Variants in TRIM14 observed in about 807,000 individuals in gnomAD.
The protein encoded by TRIM14 is tripartite motif-containing protein 14.
In TRIM14, 28 loss-of-function variants were observed where a neutral mutation model predicts 44.5. The observed-to-expected ratio is 0.63, with a 90% CI of 0.47 to 0.86. TRIM14 has a LOEUF of 0.86. TRIM14 is among the 40% of genes least tolerant of loss of function. The pLI is 0.00. For missense variants in TRIM14, 607 were observed against 611.1 expected (o/e 0.99, Z 0.07); for synonymous variants, 299 against 269.2 (o/e 1.11, Z -1.08).
rs941452325 is a variant in TRIM14, at chr9:98,087,337, G to A, written c.*133C>T. On this transcript the variant is annotated 3_prime_UTR_variant, in exon 6 of 6. Coordinates refer to ENST00000341469, the MANE Select transcript of TRIM14 (RefSeq NM_014788.4). ...CTTCAAAGCACTGTAGGCGTGATTG[G>A]TCGGGGAAAGCTGGGGCAGGGAGAG... 11 of 1,369,862 alleles carry A rather than the reference G, an allele frequency of 8.0e-6. No individual in the cohort carries two copies. Among genetic ancestry groups the A allele is most frequent in the Non-Finnish European group, 1.1e-5 (11 of 958,018 alleles). 84.9% of individuals were successfully genotyped at this position (1,369,862 alleles called of 1,614,324 possible). A position where few individuals can be genotyped will look rare whatever the true frequency, so the allele number is the denominator to read the frequency against.
At chr9:98,048,563 C>T in the TRIM14 span, among the ~76,000 whole-genome samples, 1 of 152,066 alleles carries the variant, frequency 6.6e-6, no homozygotes, top group Non-Finnish European at 1.5e-5. Context: ...AACTGTAATG[C>T]CTTTTAGTTC....
At chr9:98,044,870 T>C in the TRIM14 span, among the ~76,000 whole-genome samples, 9 of 152,064 alleles carry the variant, frequency 5.9e-5, no homozygotes, top group African/African-American at 2.2e-4. Flanking sequence ...CACAGCACTT[T>C]GGGAGGCCAA....
chr9:98,061,508 G>A, the TRIM14 span, among the ~76,000 whole-genome samples: 43 of 146,322 alleles, frequency 2.9e-4, no homozygotes, highest in African/African-American at 9.4e-4. Flanking sequence ...AAGGCCAGGC[G>A]CGGTGTCTCA....
In TRIM14 at chr9:98,108,176, G is replaced by A. The variant is rs184469787; in HGVS notation, c.303+1713C>T. Among the ~76,000 whole-genome samples the A allele has an allele frequency of 2.2e-5, 3 of 139,258 alleles. No individual in the cohort carries two copies. In the Admixed American group the frequency reaches 2.3e-4, roughly 11 times the overall value. The allele number at this position is 139,258 out of a possible 152,430, so 91.4% of individuals were successfully genotyped here. A position where few individuals can be genotyped will look rare whatever the true frequency, so the allele number is the denominator to read the frequency against. ...AGGTACACAAAACTCTACTATTTTT[G>A]CAACTTCCTCTAAATCTATAAAAAG... On this transcript the variant is annotated intron_variant, in intron 2 of 5. Transcript: ENST00000341469.
At chr9:98,052,055 T>C in the TRIM14 span, among the ~76,000 whole-genome samples, 1 of 152,094 alleles carries the variant, frequency 6.6e-6, no homozygotes, top group African/African-American at 2.4e-5. Flanking sequence ...GGCTAAAAGC[T>C]CTCTCACAAT....
intron 5 of TRIM14, among the ~76,000 whole-genome samples, chr9:98,091,405 CATG>C (rs1371547595): frequency 6.6e-6 from 1 of 152,034 alleles, no homozygotes; most frequent in Admixed American, 6.6e-5. Flanking sequence ...TGCAGTGAGC[CATG>C]ACTGCACCAC....
chr9:98,077,664 C>T (rs575689992), intron 6 of TRIM14, among the ~76,000 whole-genome samples: 109 of 152,258 alleles, frequency 7.2e-4, no homozygotes, highest in Non-Finnish European at 1.3e-3. Flanking sequence ...GGGACATGAT[C>T]GTGTAAAGTG....
Position 98,087,975 on chromosome 9 carries a change from G to A in TRIM14, c.824C>T (p.Thr275Met), listed in dbSNP as rs780414118. The change falls in exon 6 of 6, where the codon ACG (threonine) becomes ATG (methionine). Residue 275 changes from threonine (T) to methionine (M), a missense_variant. Physicochemically the swap from Thr to Met is moderately conservative, Grantham distance 81. This residue lies in a region of TRIM14 where 356 missense variants were observed against 323.0 expected (regional missense o/e 1.10). Coordinates refer to ENST00000341469, the MANE Select transcript of TRIM14 (RefSeq NM_014788.4). ...YARTPTLDPDTMHARLRLSAD... is the reference protein window; with the variant it reads ...YARTPTLDPDMMHARLRLSAD... ...GGACAGGCGCAGGCGCGCGTGCATC[G>A]TGTCAGGATCCAGCGTGGGCGTGCG... 6 of 1,558,696 alleles carry A rather than the reference G, an allele frequency of 3.8e-6. No individual in the cohort carries two copies. The East Asian group carries it at 9.9e-5, about 26-fold the overall frequency.
chr9:98,115,382 C>G (rs1206091660), intron 1 of TRIM14, among the ~76,000 whole-genome samples: 3 of 152,342 alleles, frequency 2.0e-5, no homozygotes, highest in African/African-American at 7.2e-5. Flanking sequence ...TCCCGAGTAG[C>G]TGGGATTACA....
chr9:98,061,149 A>G, the TRIM14 span: 1 of 691,422 alleles, frequency 1.4e-6, no homozygotes, highest in South Asian at 1.8e-5. Flanking sequence ...AAGCCCAGTG[A>G]GAATCTGTGG....
chr9:98,110,848 A>AAAAATAAAAC (rs1826821053), intron 1 of TRIM14, among the ~76,000 whole-genome samples: 1 of 130,528 alleles, frequency 7.7e-6, no homozygotes, highest in African/African-American at 3.4e-5. Context: ...CTCTACCACA[A>AAAAATAAAAC]AAAATAAAAT....
chr9:98,096,466 C>A (rs748331971), intron 3 of TRIM14, among the ~76,000 whole-genome samples: 16 of 152,122 alleles, frequency 1.1e-4, no homozygotes, highest in South Asian at 2.1e-4. Flanking sequence ...ACACATGGCA[C>A]CACCTGGTAA....
chr9:98,056,765 C>G, the TRIM14 span: 19 of 1,594,918 alleles, frequency 1.2e-5, no homozygotes, highest in African/African-American at 2.6e-4. Flanking sequence ...CGGCGGCGGC[C>G]GGACCCAGAC....
Position 98,078,255 on chromosome 9 carries a change from A to G in TRIM14, c.*29-8568T>C, listed in dbSNP as rs774234011. On this transcript the variant is annotated intron_variant, in intron 6 of 6. Coordinates refer to the TRIM14 transcript ENST00000375098. ...GGACACCATGAAGCAAGTTTATCAG[A>G]TCGTGAAGCCCCTCAACCCCAACTT... is the stretch of plus-strand genomic sequence containing the variant. 1.9e-6 allele frequency: 3 copies of G among 1,614,150 alleles called. No homozygotes were observed. The East Asian group carries it at 6.7e-5, about 36-fold the overall frequency.
At position 98,100,092 on chromosome 9, in the gene TRIM14, C is replaced by T; in HGVS notation, c.376G>A (p.Glu126Lys). The change falls in exon 3 of 6, where the codon GAA becomes AAA. Residue 126 changes from glutamate to lysine, a missense_variant. Transcript: ENST00000341469. ...TELRLLLDEE[E>K]ALAKKFIDKN... ...TCAATGAATTTCTTGGCCAGCGCTT[C>T]CTCTTCGTCAAGTAGTAATCTGAGT... 6.2e-7 allele frequency: 1 copy of T among 1,614,186 alleles called. No homozygotes were observed. Among genetic ancestry groups the T allele is most frequent in the Non-Finnish European group, 8.5e-7 (1 of 1,180,040 alleles).
intron 4 of TRIM14, among the ~76,000 whole-genome samples, chr9:98,094,439 G>T (rs1369781783): frequency 2.6e-5 from 4 of 152,168 alleles, no homozygotes; most frequent in Admixed American, 6.5e-5. Flanking sequence ...GGAGAGGGGA[G>T]ATGGCTAAAG....
the TRIM14 span, chr9:98,056,600 C>T: frequency 3.0e-6 from 2 of 671,470 alleles, no homozygotes; most frequent in Non-Finnish European, 2.3e-6. Flanking sequence ...CGCCGCCCTT[C>T]CCGCGGGAGG....
intron 6 of TRIM14, among the ~76,000 whole-genome samples, chr9:98,073,306 A>G: frequency 1.2e-5 from 1 of 82,852 alleles, no homozygotes; most frequent in Admixed American, 1.7e-4. Flanking sequence ...TTTTTTTGAG[A>G]CGGAGTCTTG....
chr9:98,109,952 T>G lies in TRIM14; in HGVS notation c.240A>C (p.Ala80=). The G allele has an allele frequency of 6.2e-7, 1 of 1,614,126 alleles. No homozygotes were observed. Among genetic ancestry groups the G allele is most frequent in the Non-Finnish European group, 8.5e-7 (1 of 1,180,002 alleles). The change falls in exon 2 of 6, where the codon GCA becomes GCC. Residue 80 remains alanine, a synonymous_variant. Transcript: ENST00000341469. Reference sequence around the variant, plus strand: ...TGTCAATGTGCTGCTGCTTCTTGATTGCCAGCTGCTTTAAACATTCTTGGC... The same window carrying G: ...TGTCAATGTGCTGCTGCTTCTTGATGGCCAGCTGCTTTAAACATTCTTGGC... ...KLSQECLKQL[A]IKKQQHIDNI...
Sources: gnomAD v4.1 joint callset for allele counts (sites outside exome capture counted in the v4.1 genomes callset) on GRCh38, gnomAD v4.1.1 for gene constraint, gnomAD v4.1.1 regional missense constraint, MANE v1.5 for transcripts, NCBI Gene and HGNC (gene_info 2026-07-23, HGNC 2026-07-21) for gene names.